AKAP19: variants seen among roughly 807,000 people sequenced by gnomAD.
AKAP19 encodes the protein A-kinase anchoring protein 19, also known as small A-kinase anchoring protein.
the AKAP19 span, chr2:190,060,031 T>C: frequency 6.3e-7 from 1 of 1,599,292 alleles, no homozygotes; most frequent in East Asian, 2.2e-5. Context: ...AACATAAGGT[T>C]ATTATAATGT....
the AKAP19 span, among the ~76,000 whole-genome samples, chr2:190,109,574 ACTCTTCCT>A: frequency 6.6e-6 from 1 of 151,802 alleles, no homozygotes; most frequent in Non-Finnish European, 1.5e-5. Context: ...CGATTTGGTC[ACTCTTCCT>A]AAGCAGGAAG....
chr2:189,940,362 C>T, the AKAP19 span, among the ~76,000 whole-genome samples: 1 of 151,090 alleles, frequency 6.6e-6, no homozygotes, highest in South Asian at 2.1e-4. Context: ...AGGAGAATGG[C>T]GTGAACTCAG....
chr2:190,038,897 TTTCTTTCTTCTTCTTCTTCTTCTTC>T, the AKAP19 span, among the ~76,000 whole-genome samples: 49 of 62,328 alleles, frequency 7.9e-4, no homozygotes, highest in East Asian at 2.8e-3. Flanking sequence ...TCTTTCTTTC[TTTCTTTCTTCTTCTTCTTCTTCTTC>T]TTCTTCTTCT....
chr2:189,907,278 G>A, the AKAP19 span, among the ~76,000 whole-genome samples: 2 of 151,942 alleles, frequency 1.3e-5, no homozygotes, highest in Admixed American at 6.6e-5. Flanking sequence ...CTCTACCTCC[G>A]ATCCCATGTT....
the AKAP19 span, among the ~76,000 whole-genome samples, chr2:190,008,730 GCA>G: frequency 0.11 from 12,708 of 120,572 alleles, 550 homozygotes; most frequent in Middle Eastern, 0.17. Context: ...ATGTGCACGT[GCA>G]CACACACACA....
the AKAP19 span, among the ~76,000 whole-genome samples, chr2:189,969,099 C>T: frequency 1.3e-5 from 2 of 152,194 alleles, no homozygotes; most frequent in South Asian, 4.2e-4. Flanking sequence ...TACCAATTTG[C>T]CTTTTTACTT....
chr2:190,105,088 A>G, the AKAP19 span, among the ~76,000 whole-genome samples: 1 of 152,190 alleles, frequency 6.6e-6, no homozygotes. Context: ...GAGATTTCTC[A>G]AAGAACTTAA....
the AKAP19 span, among the ~76,000 whole-genome samples, chr2:190,183,202 T>G: frequency 6.6e-6 from 1 of 152,192 alleles, no homozygotes. Context: ...TAAAATGAGG[T>G]AACATCTGCC....
At chr2:189,918,540 G>A in the AKAP19 span, among the ~76,000 whole-genome samples, 2 of 152,290 alleles carry the variant, frequency 1.3e-5, no homozygotes, top group African/African-American at 4.8e-5. Context: ...TGGAGAAATT[G>A]TAACACTCAT....
At chr2:189,949,225 G>T in the AKAP19 span, among the ~76,000 whole-genome samples, 1 of 152,280 alleles carries the variant, frequency 6.6e-6, no homozygotes, top group African/African-American at 2.4e-5. Flanking sequence ...AGTTGCAGAT[G>T]CAGAACCCGT....
the AKAP19 span, among the ~76,000 whole-genome samples, chr2:189,886,524 T>C: frequency 6.6e-6 from 1 of 152,212 alleles, no homozygotes; most frequent in Admixed American, 6.5e-5. Context: ...TAATCTGTCC[T>C]CAAGAAGATT....
At chr2:190,041,729 T>C in the AKAP19 span, among the ~76,000 whole-genome samples, 2 of 152,214 alleles carry the variant, frequency 1.3e-5, no homozygotes, top group Non-Finnish European at 2.9e-5. Context: ...GTTGAAAGGA[T>C]GCTGAATTTT....
the AKAP19 span, among the ~76,000 whole-genome samples, chr2:190,105,907 T>C: frequency 6.6e-6 from 1 of 152,176 alleles, no homozygotes; most frequent in Admixed American, 6.5e-5. Flanking sequence ...TTTATTCCTC[T>C]AGCATCTAGC....
chr2:189,986,692 C>T, the AKAP19 span, among the ~76,000 whole-genome samples: 43 of 152,158 alleles, frequency 2.8e-4, no homozygotes, highest in African/African-American at 9.9e-4. Context: ...CATATTTTTG[C>T]CTTAGCTCAT....
the AKAP19 span, among the ~76,000 whole-genome samples, chr2:190,088,620 G>GA: frequency 2.4e-3 from 364 of 150,578 alleles, 1 homozygote; most frequent in African/African-American, 8.0e-3. Context: ...AAAGGCTAAA[G>GA]AAAAAAAAAG....
chr2:190,006,247 G>A, the AKAP19 span, among the ~76,000 whole-genome samples: 1 of 152,192 alleles, frequency 6.6e-6, no homozygotes, highest in South Asian at 2.1e-4. Context: ...TGGAGCATAA[G>A]AGACTTTTTC....
At chr2:190,080,047 A>G in the AKAP19 span, 4 of 152,228 alleles carry the variant, frequency 2.6e-5, no homozygotes, top group East Asian at 7.7e-4. Context: ...GCAACATATT[A>G]CGTATTTCTT....
the AKAP19 span, among the ~76,000 whole-genome samples, chr2:189,998,328 C>T: frequency 6.6e-6 from 1 of 152,162 alleles, no homozygotes; most frequent in Non-Finnish European, 1.5e-5. Flanking sequence ...CACCATCTTC[C>T]CTGACTGCTG....
the AKAP19 span, among the ~76,000 whole-genome samples, chr2:189,918,407 T>C: frequency 6.6e-6 from 1 of 152,172 alleles, no homozygotes; most frequent in Non-Finnish European, 1.5e-5. Flanking sequence ...CTGTCATTCC[T>C]GAAGGGTATG....
Sources: allele counts gnomAD v4.1 joint callset (sites outside exome capture counted in the v4.1 genomes callset), GRCh38; gene constraint gnomAD v4.1.1; transcripts MANE v1.5; gene names NCBI Gene and HGNC (gene_info 2026-07-23, HGNC 2026-07-21).